Variants in NCDN observed in about 807,000 individuals in gnomAD.
The protein encoded by NCDN is norbin.
In NCDN, 9 loss-of-function variants were observed where a neutral mutation model predicts 60.7. The observed-to-expected ratio is 0.15, with a 90% CI of 0.09 to 0.26. NCDN has a LOEUF of 0.26. NCDN is among the 10% of genes least tolerant of loss of function. NCDN has a pLI of 1.00. For synonymous variants in NCDN, 409 were observed against 442.5 expected, an observed-to-expected ratio of 0.92 and a Z score of 0.95; for missense variants, 578 against 975.2, an observed-to-expected ratio of 0.59 and a Z score of 5.42.
In NCDN at chr1:35,558,257, A is replaced by C; in HGVS notation, c.33+34A>C. Reference sequence around the variant, plus strand: ...CGCCAGGAACCCTCCTCCCCTTCTCATCTCCCCATCTCAGCAGCCCTGCTT... The same window carrying C: ...CGCCAGGAACCCTCCTCCCCTTCTCCTCTCCCCATCTCAGCAGCCCTGCTT... On this transcript the variant is annotated intron_variant, in intron 1 of 6. Transcript: ENST00000373243. This position sits in a 1 kb window ranked among gnomAD's most constrained non-coding sequence, Gnocchi z 6.3. 1.2e-6 allele frequency: 2 copies of C among 1,612,650 alleles called. No homozygotes were observed. Among genetic ancestry groups the C allele is most frequent in the South Asian group, 2.2e-5 (2 of 91,010 alleles).
chr1:35,558,310 T>C lies in NCDN; in HGVS notation c.33+87T>C. 1.9e-6 allele frequency: 3 copies of C among 1,596,784 alleles called. No homozygotes were observed. Among genetic ancestry groups the C allele is most frequent in the Non-Finnish European group, 2.6e-6 (3 of 1,168,792 alleles). On this transcript the variant is annotated intron_variant, in intron 1 of 6. Coordinates refer to ENST00000373243, the MANE Select transcript of NCDN (RefSeq NM_014284.3). This position sits in a 1 kb window ranked among gnomAD's most constrained non-coding sequence, Gnocchi z 6.3. ...ATTATCCGGCTTTTGGATTCTCCGT[T>C]GTCCTGGGAACTATCCGGGACCCCC...
chr1:35,566,703 C>T lies in NCDN; in HGVS notation c.*1040C>T, dbSNP rs201506039. The T allele has an allele frequency of 1.3e-4, 60 of 447,332 alleles. No homozygotes were observed. The East Asian group carries it at 3.4e-3, about 25-fold the overall frequency. The allele number at this position is 447,332 out of a possible 1,614,324, so 27.7% of individuals were successfully genotyped here. A position where few individuals can be genotyped will look rare whatever the true frequency, so the allele number is the denominator to read the frequency against. ...CACTCTTGATCCCTTGCTTCCCTCC[C>T]CCAGTGCGTTCTGTGATCGCCAAGT... On this transcript the variant is annotated 3_prime_UTR_variant, in exon 7 of 7. Coordinates refer to ENST00000373243, the MANE Select transcript of NCDN (RefSeq NM_014284.3). This position sits in a 1 kb window ranked among gnomAD's most constrained non-coding sequence, Gnocchi z 5.3.
Position 35,566,584 on chromosome 1 carries a change from CTG to C in NCDN, c.*922_*923del. 2.8e-6 allele frequency: 1 copy of C among 354,574 alleles called. No individual in the cohort carries two copies. The highest frequency in any genetic ancestry group is 2.1e-5 in the South Asian group (1 of 48,000). 22.0% of individuals were successfully genotyped at this position (354,574 alleles called of 1,614,324 possible). ...ATGACTCCTCTCTGCAGAGACGCGACTGGCGGCTCCAGCAGGGACTACCTTTC... is the reference window on the plus strand; with the variant it reads ...ATGACTCCTCTCTGCAGAGACGCGACGCGGCTCCAGCAGGGACTACCTTTC... On this transcript the variant is annotated 3_prime_UTR_variant, in exon 7 of 7. Transcript: ENST00000373243. This position sits in a 1 kb window ranked among gnomAD's most constrained non-coding sequence, Gnocchi z 5.3.
At position 35,565,878 on chromosome 1, in the gene NCDN, G is replaced by C; in HGVS notation, c.*215G>C. On this transcript the variant is annotated 3_prime_UTR_variant, in exon 7 of 7. Coordinates refer to ENST00000373243, the MANE Select transcript of NCDN (RefSeq NM_014284.3). The surrounding 1 kb of genome is among the most constrained non-coding windows in gnomAD (Gnocchi z 8.9). ...TCAGGCCCCCATGGGGGCAGGGATC[G>C]GCTTGGAAATCAACGTGGTTGTCCC... 1 of 582,346 alleles carries C rather than the reference G, an allele frequency of 1.7e-6. No homozygotes were observed. The allele number at this position is 582,346 out of a possible 1,614,324, so 36.1% of individuals were successfully genotyped here.
In NCDN at chr1:35,566,718, G is replaced by A; in HGVS notation, c.*1055G>A. On this transcript the variant is annotated 3_prime_UTR_variant, in exon 7 of 7. Transcript: ENST00000373243. The surrounding 1 kb of genome is among the most constrained non-coding windows in gnomAD (Gnocchi z 5.3). ...GCTTCCCTCCCCCAGTGCGTTCTGT[G>A]ATCGCCAAGTTCAAAGCTGTGCACA... is the stretch of plus-strand genomic sequence containing the variant. 2.2e-6 allele frequency: 1 copy of A among 458,394 alleles called. No individual in the cohort carries two copies. The highest frequency in any genetic ancestry group is 4.5e-6 in the Non-Finnish European group (1 of 224,568). The allele number at this position is 458,394 out of a possible 1,614,324, so 28.4% of individuals were successfully genotyped here.
At position 35,565,965 on chromosome 1, in the gene NCDN, C is replaced by T. The variant is rs536310795; in HGVS notation, c.*302C>T. On this transcript the variant is annotated 3_prime_UTR_variant, in exon 7 of 7. Coordinates refer to ENST00000373243, the MANE Select transcript of NCDN (RefSeq NM_014284.3). The surrounding 1 kb of genome is among the most constrained non-coding windows in gnomAD (Gnocchi z 8.9). ...GGGGGGCACTAGGTGTCATTGTGCC[C>T]GATGTCTGGCTCCCCTGCAGGAGGG... is the stretch of plus-strand genomic sequence containing the variant. 2.3e-4 allele frequency: 81 copies of T among 351,852 alleles called. No individual in the cohort carries two copies. Among genetic ancestry groups the T allele is most frequent in the African/African-American group, 1.3e-3 (61 of 46,928 alleles). The allele number at this position is 351,852 out of a possible 1,614,324, so 21.8% of individuals were successfully genotyped here.
rs55707525 is a variant in NCDN at position 35,563,190 on chromosome 1, C to T, written c.1386-12C>T. 12,424 of 1,608,444 alleles carry T rather than the reference C, an allele frequency of 7.7e-3. 62 individuals are homozygous for T. Among genetic ancestry groups the T allele is most frequent in the Non-Finnish European group, 8.9e-3 (10,501 of 1,176,140 alleles). The stretch of plus-strand genomic sequence containing the variant: ...CCAATCCCACACACGTCTGTCCCTT[C>T]CACATCCCCAGGCTCCTCCTGCCTG... On this transcript the variant is annotated splice_polypyrimidine_tract_variant and intron_variant, in intron 4 of 6. Transcript: ENST00000373243. This position sits in a 1 kb window ranked among gnomAD's most constrained non-coding sequence, Gnocchi z 6.6.
chr1:35,563,551 GTC>G lies in NCDN; in HGVS notation c.1610+128_1610+129del. On this transcript the variant is annotated intron_variant, in intron 5 of 6. Coordinates refer to ENST00000373243, the MANE Select transcript of NCDN (RefSeq NM_014284.3). This position sits in a 1 kb window ranked among gnomAD's most constrained non-coding sequence, Gnocchi z 6.6. ...TGGATTTGTTAGTGGTAGCATGGGG[GTC>G]TCAGAGTAGACATAGCCAGCCCCGC... 1 of 1,156,742 alleles carries G rather than the reference GTC, an allele frequency of 8.6e-7. No individual in the cohort carries two copies. Among genetic ancestry groups the G allele is most frequent in the Non-Finnish European group, 1.2e-6 (1 of 812,114 alleles). The allele number at this position is 1,156,742 out of a possible 1,614,324, so 71.7% of individuals were successfully genotyped here.
rs1648505570 is a variant in NCDN, at chr1:35,558,526, G to A, written c.33+303G>A. 8.1e-6 allele frequency: 11 copies of A among 1,351,780 alleles called. No homozygotes were observed. Among genetic ancestry groups the A allele is most frequent in the Non-Finnish European group, 1.0e-5 (11 of 1,051,788 alleles). 83.7% of individuals were successfully genotyped at this position (1,351,780 alleles called of 1,614,324 possible). On this transcript the variant is annotated intron_variant, in intron 1 of 6. Transcript: ENST00000373243. This position sits in a 1 kb window ranked among gnomAD's most constrained non-coding sequence, Gnocchi z 6.3. ...GGCGACTGAGAGCCCTGGCTGGAGG[G>A]GTGGGGTCCCCAAAGGGGCCTCCAA... is the stretch of plus-strand genomic sequence containing the variant.
chr1:35,561,019 C>T lies in NCDN; in HGVS notation c.868C>T (p.His290Tyr). ...ACTGAAGCTGGCAGCCCGCCTGGCA[C>T]ACGCCTGCGGCTCCGACTGGATCCC... ...PALKLAARLA[H>Y]ACGSDWIPAG... The change falls in exon 3 of 7, where the codon CAC (histidine) becomes TAC (tyrosine). Residue 290 changes from histidine to tyrosine, a missense_variant. This residue lies in a region of NCDN where 363 missense variants were observed against 583.6 expected (regional missense o/e 0.62). Coordinates refer to ENST00000373243, the MANE Select transcript of NCDN (RefSeq NM_014284.3). This position sits in a 1 kb window ranked among gnomAD's most constrained non-coding sequence, Gnocchi z 4.9. The T allele has an allele frequency of 3.1e-6, 5 of 1,612,842 alleles. No homozygotes were observed. Among genetic ancestry groups the T allele is most frequent in the Non-Finnish European group, 3.4e-6 (4 of 1,179,344 alleles).
intron 6 of NCDN, among the ~76,000 whole-genome samples, chr1:35,564,607 T>G (rs764668562): frequency 6.6e-6 from 1 of 151,966 alleles, no homozygotes; most frequent in Non-Finnish European, 1.5e-5. Flanking sequence ...TGGGAAGGGG[T>G]GCACATCCCT....
At position 35,566,524 on chromosome 1, in the gene NCDN, C is replaced by G. The variant is rs1648881492; in HGVS notation, c.*861C>G. 1 of 318,456 alleles carries G rather than the reference C, an allele frequency of 3.1e-6. No homozygotes were observed. The highest frequency in any genetic ancestry group is 6.3e-6 in the Non-Finnish European group (1 of 159,368). The allele number at this position is 318,456 out of a possible 1,614,324, so 19.7% of individuals were successfully genotyped here. A position where few individuals can be genotyped will look rare whatever the true frequency, so the allele number is the denominator to read the frequency against. Reference sequence around the variant, plus strand: ...TTCCCCAGTGATTACACTCCACTGCCACCGTGGTGCCTGGCTTTAACTCCC... The same window carrying G: ...TTCCCCAGTGATTACACTCCACTGCGACCGTGGTGCCTGGCTTTAACTCCC... On this transcript the variant is annotated 3_prime_UTR_variant, in exon 7 of 7. Coordinates refer to ENST00000373243, the MANE Select transcript of NCDN (RefSeq NM_014284.3). The surrounding 1 kb of genome is among the most constrained non-coding windows in gnomAD (Gnocchi z 5.3).
At position 35,563,972 on chromosome 1, in the gene NCDN, T is replaced by A. The variant is rs906988059; in HGVS notation, c.1753+63T>A. The A allele has an allele frequency of 1.1e-5, 17 of 1,530,570 alleles. No homozygotes were observed. The highest frequency in any genetic ancestry group is 1.4e-5 in the Non-Finnish European group (16 of 1,142,388). 94.8% of individuals were successfully genotyped at this position (1,530,570 alleles called of 1,614,324 possible). On this transcript the variant is annotated intron_variant, in intron 6 of 6. Transcript: ENST00000373243. The surrounding 1 kb of genome is among the most constrained non-coding windows in gnomAD (Gnocchi z 6.6). ...GAAGACCTGGGTGGACCTCCTGTGTTTGGGGCAAAAGTCACCATTTTTAGA... is the reference window on the plus strand; with the variant it reads ...GAAGACCTGGGTGGACCTCCTGTGTATGGGGCAAAAGTCACCATTTTTAGA...
chr1:35,558,632 G>A lies in NCDN; in HGVS notation c.33+409G>A. 8.6e-7 allele frequency: 1 copy of A among 1,157,722 alleles called. No individual in the cohort carries two copies. The highest frequency in any genetic ancestry group is 1.1e-6 in the Non-Finnish European group (1 of 935,486). 71.7% of individuals were successfully genotyped at this position (1,157,722 alleles called of 1,614,324 possible). On this transcript the variant is annotated intron_variant, in intron 1 of 6. Transcript: ENST00000373243. This position sits in a 1 kb window ranked among gnomAD's most constrained non-coding sequence, Gnocchi z 6.3. ...AAGAAGGGAGGGGAAAGGAAGCCTG[G>A]GGTGTCCTTTTCTCCCATGTCAGCC...
Position 35,558,332 on chromosome 1 carries a change from C to T in NCDN, c.33+109C>T, listed in dbSNP as rs1446517139. 7 of 1,563,526 alleles carry T rather than the reference C, an allele frequency of 4.5e-6. No individual in the cohort carries two copies. In the African/African-American group the frequency reaches 9.5e-5, roughly 21 times the overall value. ...CGTTGTCCTGGGAACTATCCGGGAC[C>T]CCCTCTTGCTTCTCCAGCCCCTGCC... is the stretch of plus-strand genomic sequence containing the variant. On this transcript the variant is annotated intron_variant, in intron 1 of 6. Coordinates refer to ENST00000373243, the MANE Select transcript of NCDN (RefSeq NM_014284.3). The surrounding 1 kb of genome is among the most constrained non-coding windows in gnomAD (Gnocchi z 6.3).
chr1:35,558,512 G>C lies in NCDN; in HGVS notation c.33+289G>C. Reference sequence around the variant, plus strand: ...AAGGAGCCTGCGGGGGCGACTGAGAGCCCTGGCTGGAGGGGTGGGGTCCCC... The same window carrying C: ...AAGGAGCCTGCGGGGGCGACTGAGACCCCTGGCTGGAGGGGTGGGGTCCCC... On this transcript the variant is annotated intron_variant, in intron 1 of 6. Transcript: ENST00000373243. The surrounding 1 kb of genome is among the most constrained non-coding windows in gnomAD (Gnocchi z 6.3). The C allele has an allele frequency of 7.3e-7, 1 of 1,368,504 alleles. No homozygotes were observed. Among genetic ancestry groups the C allele is most frequent in the South Asian group, 1.7e-5 (1 of 58,664 alleles). The allele number at this position is 1,368,504 out of a possible 1,614,324, so 84.8% of individuals were successfully genotyped here. A position where few individuals can be genotyped will look rare whatever the true frequency, so the allele number is the denominator to read the frequency against.
chr1:35,565,809 G>C lies in NCDN; in HGVS notation c.*146G>C. ...CTTTCTGGCTTTTCTGAGGGCAAGG[G>C]CATGGTGCCCACCCCTCAAGTGTAA... On this transcript the variant is annotated 3_prime_UTR_variant, in exon 7 of 7. Coordinates refer to ENST00000373243, the MANE Select transcript of NCDN (RefSeq NM_014284.3). This position sits in a 1 kb window ranked among gnomAD's most constrained non-coding sequence, Gnocchi z 8.9. The C allele has an allele frequency of 1.2e-6, 1 of 867,224 alleles. No individual in the cohort carries two copies. The highest frequency in any genetic ancestry group is 1.7e-6 in the Non-Finnish European group (1 of 579,916). The allele number at this position is 867,224 out of a possible 1,614,324, so 53.7% of individuals were successfully genotyped here. A position where few individuals can be genotyped will look rare whatever the true frequency, so the allele number is the denominator to read the frequency against.
chr1:35,557,931 T>A lies in NCDN; in HGVS notation c.-260T>A, dbSNP rs1648405618. On this transcript the variant is annotated 5_prime_UTR_variant, in exon 1 of 7. Transcript: ENST00000373243. ...CCTCCCCTGCATCCCAGCCGGGGCCTCTCCGAGCCGGCGCTGATCGATGCC... is the reference window on the plus strand; with the variant it reads ...CCTCCCCTGCATCCCAGCCGGGGCCACTCCGAGCCGGCGCTGATCGATGCC... 1 of 629,304 alleles carries A rather than the reference T, an allele frequency of 1.6e-6. No individual in the cohort carries two copies. The highest frequency in any genetic ancestry group is 2.8e-5 in the East Asian group (1 of 35,362). The allele number at this position is 629,304 out of a possible 1,614,324, so 39.0% of individuals were successfully genotyped here.
In NCDN at chr1:35,565,451, C is replaced by T. The variant is rs1203753278; in HGVS notation, c.1978C>T (p.Arg660Cys). 3.7e-6 allele frequency: 6 copies of T among 1,610,346 alleles called. No homozygotes were observed. The highest frequency in any genetic ancestry group is 2.2e-5 in the East Asian group (1 of 44,804). The change falls in exon 7 of 7, where the codon CGC becomes TGC. Residue 660 changes from arginine (R) to cysteine (C), a missense_variant. Around this residue, in one of 3 missense-constraint regions of NCDN, gnomAD observed 191 missense variants for 372.1 expected, o/e 0.51. Coordinates refer to ENST00000373243, the MANE Select transcript of NCDN (RefSeq NM_014284.3). The surrounding 1 kb of genome is among the most constrained non-coding windows in gnomAD (Gnocchi z 8.9). ...GCCCTGGCTGGCCCCCGCTGCCCTG[C>T]GCTCCCGCTGGCCGCAGGAGCTGCT... ...LLPWLAPAAL[R>C]SRWPQELLQL...
Sources: gnomAD v4.1 joint callset for allele counts (sites outside exome capture counted in the v4.1 genomes callset) on GRCh38, gnomAD v4.1.1 for gene constraint, gnomAD v4.1.1 regional missense constraint, Gnocchi (gnomAD v3.1) non-coding constraint, MANE v1.5 for transcripts, NCBI Gene and HGNC (gene_info 2026-07-23, HGNC 2026-07-21) for gene names.